The following TAFA1 variants were observed in gnomAD, a reference collection of about 807,000 sequenced individuals.
The protein encoded by TAFA1 is chemokine-like protein TAFA-1.
Under a neutral mutation model 18.5 loss-of-function variants are expected in TAFA1, and 4 were observed. The ratio of observed to expected loss-of-function variants is 0.22; its 90% CI spans 0.11 to 0.49. TAFA1 has a LOEUF of 0.49. Among genes scored for constraint, TAFA1 ranks in the 20% least tolerant of loss-of-function variants. The pLI, the probability that TAFA1 is intolerant of heterozygous loss-of-function variation, is 0.98. For synonymous variants in TAFA1, 56 were observed against 55.2 expected (o/e 1.01, Z -0.06); for missense variants, 147 against 169.0 (o/e 0.87, Z 0.72).
At chr3:68,210,714 AC>A (rs1228785287) in intron 2 of TAFA1, among the ~76,000 whole-genome samples, 15 of 152,000 alleles carry the variant, frequency 9.9e-5, no homozygotes, top group Non-Finnish European at 2.1e-4. Context: ...CTGCTAGTTA[AC>A]CTTTTTGTAA....
At chr3:68,431,125 AG>A (rs2071160681) in intron 3 of TAFA1, among the ~76,000 whole-genome samples, 1 of 151,890 alleles carries the variant, frequency 6.6e-6, no homozygotes, top group Non-Finnish European at 1.5e-5. Flanking sequence ...CCTATACCAA[AG>A]GACGCCTGAC....
At chr3:68,310,959 C>T (rs1436153683) in intron 2 of TAFA1, among the ~76,000 whole-genome samples, 2 of 152,064 alleles carry the variant, frequency 1.3e-5, no homozygotes, top group African/African-American at 2.4e-5. Context: ...CGAGCCTGGG[C>T]AATTTAAAAA....
intron 2 of TAFA1, among the ~76,000 whole-genome samples, chr3:68,027,926 T>C (rs529599482): frequency 6.6e-6 from 1 of 152,332 alleles, no homozygotes; most frequent in African/African-American, 2.4e-5. Context: ...CTTTGTGAAC[T>C]GAAGAGGGTT....
chr3:68,060,726 A>G (rs2064592131), intron 2 of TAFA1, among the ~76,000 whole-genome samples: 1 of 152,158 alleles, frequency 6.6e-6, no homozygotes, highest in Admixed American at 6.5e-5. Flanking sequence ...TGTCACGTAC[A>G]TATACCTTAG....
intron 3 of TAFA1, among the ~76,000 whole-genome samples, chr3:68,527,722 C>T (rs1408739493): frequency 6.6e-6 from 1 of 152,002 alleles, no homozygotes; most frequent in Non-Finnish European, 1.5e-5. Flanking sequence ...AGAGTGGGAA[C>T]TGTGTGTCTT....
At chr3:68,487,731 G>C (rs1401581079) in intron 3 of TAFA1, among the ~76,000 whole-genome samples, 2 of 137,946 alleles carry the variant, frequency 1.4e-5, no homozygotes, top group Non-Finnish European at 3.0e-5. Context: ...CAGCCTGGGG[G>C]ACAGAGCGAA....
intron 2 of TAFA1, among the ~76,000 whole-genome samples, chr3:68,130,536 G>C (rs1056110399): frequency 6.6e-6 from 1 of 152,084 alleles, no homozygotes; most frequent in Admixed American, 6.5e-5. Flanking sequence ...ACTCTCCACA[G>C]CACAGCACTG....
At chr3:68,156,142 G>A (rs2065864253) in intron 2 of TAFA1, among the ~76,000 whole-genome samples, 1 of 152,118 alleles carries the variant, frequency 6.6e-6, no homozygotes, top group African/African-American at 2.4e-5. Context: ...TGGTAAAAAA[G>A]CACAAGCACC....
At chr3:68,517,664 C>T (rs2072943858) in intron 3 of TAFA1, among the ~76,000 whole-genome samples, 1 of 152,114 alleles carries the variant, frequency 6.6e-6, no homozygotes, top group Admixed American at 6.6e-5. Flanking sequence ...TTTTCAGTTC[C>T]ATCTATGAAA....
intron 2 of TAFA1, among the ~76,000 whole-genome samples, chr3:68,012,358 G>A (rs1035625127): frequency 1.3e-5 from 2 of 152,104 alleles, no homozygotes; most frequent in Non-Finnish European, 2.9e-5. Context: ...CGTCAAAAGG[G>A]GATTGGTAAA....
At chr3:68,128,027 C>T (rs1378166051) in intron 2 of TAFA1, among the ~76,000 whole-genome samples, 10 of 150,320 alleles carry the variant, frequency 6.7e-5, no homozygotes, top group East Asian at 5.8e-4. Flanking sequence ...TATTATGGTT[C>T]GGAAGCTCTA....
intron 3 of TAFA1, among the ~76,000 whole-genome samples, chr3:68,506,490 G>C (rs1269612784): frequency 1.7e-5 from 2 of 116,858 alleles, no homozygotes; most frequent in African/African-American, 3.0e-5. Flanking sequence ...CACACACACA[G>C]AGCAAATATG....
intron 2 of TAFA1, among the ~76,000 whole-genome samples, chr3:68,135,757 G>A (rs1339657410): frequency 6.6e-6 from 1 of 152,172 alleles, no homozygotes; most frequent in Non-Finnish European, 1.5e-5. Flanking sequence ...AGCTGTTACT[G>A]AATGACAATA....
chr3:68,497,604 T>C (rs1445882008), intron 3 of TAFA1, among the ~76,000 whole-genome samples: 1 of 152,158 alleles, frequency 6.6e-6, no homozygotes, highest in Admixed American at 6.6e-5. Flanking sequence ...GCCTGGTTCC[T>C]TCCAGGAAAC....
At chr3:68,168,413 A>G (rs539333597) in intron 2 of TAFA1, among the ~76,000 whole-genome samples, 1 of 152,354 alleles carries the variant, frequency 6.6e-6, no homozygotes, top group Admixed American at 6.5e-5. Flanking sequence ...TCTCCCTTGT[A>G]TATTTACACA....
intron 2 of TAFA1, among the ~76,000 whole-genome samples, chr3:68,275,525 C>A (rs1420148004): frequency 6.8e-6 from 1 of 145,994 alleles, no homozygotes; most frequent in Non-Finnish European, 1.5e-5. Context: ...TTGCATAAGT[C>A]ATAAAGAAAT....
At chr3:68,437,792 G>A (rs539433168) in intron 3 of TAFA1, among the ~76,000 whole-genome samples, 1 of 152,150 alleles carries the variant, frequency 6.6e-6, no homozygotes, top group East Asian at 1.9e-4. Context: ...TCAAACCATA[G>A]CATTCTACCC....
At chr3:68,153,818 T>C (rs2065834713) in intron 2 of TAFA1, among the ~76,000 whole-genome samples, 4 of 152,164 alleles carry the variant, frequency 2.6e-5, no homozygotes, top group Admixed American at 2.6e-4. Flanking sequence ...CTTTTTTCAT[T>C]GCTATTGCCT....
intron 2 of TAFA1, among the ~76,000 whole-genome samples, chr3:68,066,696 T>A (rs530480414): frequency 6.6e-6 from 1 of 152,280 alleles, no homozygotes; most frequent in East Asian, 1.9e-4. Context: ...TAATTTCTGA[T>A]TTTCACAAGA....
Sources: allele counts gnomAD v4.1 joint callset (sites outside exome capture counted in the v4.1 genomes callset), GRCh38; gene constraint gnomAD v4.1.1; transcripts MANE v1.5; gene names NCBI Gene and HGNC (gene_info 2026-07-23, HGNC 2026-07-21).